DACH2: variants seen among roughly 807,000 people sequenced by gnomAD.
DACH2 encodes the protein dachshund homolog 2.
Under a neutral mutation model 35.8 loss-of-function variants are expected in DACH2, and 17 were observed. The ratio of observed to expected loss-of-function variants is 0.48; its 90% CI spans 0.33 to 0.71. The LOEUF (loss-of-function observed/expected upper bound fraction) is 0.71, where lower values mean the gene tolerates loss of function less well. Among genes scored for constraint, DACH2 ranks in the 30% least tolerant of loss-of-function variants. The pLI is 0.02. For synonymous variants in DACH2, 195 were observed against 177.3 expected, an observed-to-expected ratio of 1.10 and a Z score of -0.79; for missense variants, 469 against 472.7, an observed-to-expected ratio of 0.99 and a Z score of 0.07.
At chrX:86,443,513 T>G (rs1410521908) in intron 2 of DACH2, among the ~76,000 whole-genome samples, 1 of 110,495 alleles carries the variant, frequency 9.1e-6, no homozygotes, top group Admixed American at 9.7e-5. Flanking sequence ...AATTTTTTTT[T>G]TTTTTTCTGG....
chrX:86,684,101 C>A (rs983300245), intron 4 of DACH2, among the ~76,000 whole-genome samples: 1 of 111,639 alleles, frequency 9.0e-6, no homozygotes, highest in Non-Finnish European at 1.9e-5. Flanking sequence ...AGCATACAGA[C>A]AAGCTGAAAT....
rs376565447 is a variant in DACH2 at position 86,542,470 on chromosome X, G to A, written c.640+28079G>A. On this transcript the variant is annotated intron_variant, in intron 3 of 11. Coordinates refer to ENST00000373125, the MANE Select transcript of DACH2 (RefSeq NM_053281.3). ...GGGCAACCTTTGGGGTGCCCTTTTC[G>A]CATGAGTCTGTTACACCTTTGATCT... 4.0e-4 allele frequency among the ~76,000 whole-genome samples: 44 copies of A among 111,353 alleles called. 2 individuals are homozygous for A. The highest frequency in any genetic ancestry group is 2.5e-3 in the Admixed American group (26 of 10,453).
At chrX:86,475,346 A>G (rs962776563) in intron 2 of DACH2, among the ~76,000 whole-genome samples, 1 of 111,413 alleles carries the variant, frequency 9.0e-6, no homozygotes, top group African/African-American at 3.3e-5. Flanking sequence ...TTTTTTGTGT[A>G]TGTGTCCTCT....
chrX:86,293,614 G>A (rs370382011), intron 1 of DACH2, among the ~76,000 whole-genome samples: 2 of 110,089 alleles, frequency 1.8e-5, no homozygotes, highest in South Asian at 4.0e-4. Flanking sequence ...TTTAGGGCAG[G>A]CCTGGTGGTG....
chrX:86,187,625 C>T (rs972881699), intron 1 of DACH2, among the ~76,000 whole-genome samples: 1 of 110,608 alleles, frequency 9.0e-6, no homozygotes, highest in African/African-American at 3.3e-5. Context: ...AGGGTTTCGC[C>T]GTGTTGGCCA....
intron 2 of DACH2, among the ~76,000 whole-genome samples, chrX:86,450,849 G>T (rs1425053121): frequency 1.8e-5 from 2 of 109,693 alleles, no homozygotes; most frequent in African/African-American, 3.3e-5. Context: ...AAATATGTTT[G>T]TTGGCCATAT....
intron 2 of DACH2, among the ~76,000 whole-genome samples, chrX:86,398,648 C>T (rs1298987177): frequency 3.6e-5 from 4 of 111,774 alleles, no homozygotes; most frequent in Non-Finnish European, 7.5e-5. Context: ...TCGTTATGTA[C>T]CCAGTGGTTA....
In DACH2 at chrX:86,761,186, C is replaced by T. The variant is rs1309723595; in HGVS notation, c.1240+21304C>T. Among the ~76,000 whole-genome samples, 11 of 110,686 alleles carry T rather than the reference C, an allele frequency of 9.9e-5. No homozygotes were observed. The Admixed American group carries it at 1.1e-3, about 11-fold the overall frequency. ...CATTAGGTATTTGTCCTAATGCTCT[C>T]CCTCCCCTTTCCCCCCATCCCTGAC... On this transcript the variant is annotated intron_variant, in intron 7 of 11. Coordinates refer to ENST00000373125, the MANE Select transcript of DACH2 (RefSeq NM_053281.3).
chrX:86,748,676 G>A (rs755138671), intron 7 of DACH2, among the ~76,000 whole-genome samples: 1 of 111,576 alleles, frequency 9.0e-6, no homozygotes, highest in East Asian at 2.8e-4. Context: ...GAATTACAGG[G>A]TTTTTATTTT....
intron 2 of DACH2, among the ~76,000 whole-genome samples, chrX:86,412,770 C>G (rs761158841): frequency 1.8e-5 from 2 of 111,427 alleles, no homozygotes; most frequent in Non-Finnish European, 3.8e-5. Flanking sequence ...GCCTATCTGC[C>G]ATTGACACCT....
intron 2 of DACH2, among the ~76,000 whole-genome samples, chrX:86,381,224 C>T (rs755777780): frequency 3.3e-4 from 36 of 110,539 alleles, no homozygotes; most frequent in Admixed American, 2.2e-3. Context: ...GTCCCATTTC[C>T]TCACATTATT....
intron 2 of DACH2, among the ~76,000 whole-genome samples, chrX:86,487,954 C>T (rs1238103251): frequency 9.0e-6 from 1 of 111,227 alleles, no homozygotes; most frequent in Non-Finnish European, 1.9e-5. Flanking sequence ...GTTATCTAAT[C>T]TCTGTGAGCC....
intron 1 of DACH2, among the ~76,000 whole-genome samples, chrX:86,214,931 C>A (rs2032534631): frequency 9.0e-6 from 1 of 111,006 alleles, no homozygotes; most frequent in African/African-American, 3.3e-5. Flanking sequence ...TATTAGCATT[C>A]TAAAAAAACA....
chrX:86,336,981 T>C (rs768724157), intron 1 of DACH2, among the ~76,000 whole-genome samples: 1 of 107,580 alleles, frequency 9.3e-6, no homozygotes, highest in Non-Finnish European at 1.9e-5. Context: ...ATATCAGAGA[T>C]TGAAGATCAA....
chrX:86,268,354 A>G (rs1307146225), intron 1 of DACH2, among the ~76,000 whole-genome samples: 4 of 111,307 alleles, frequency 3.6e-5, no homozygotes, highest in Non-Finnish European at 5.7e-5. Flanking sequence ...TTTAAGCCTC[A>G]CAACAAATTT....
chrX:86,277,402 G>A (rs1474047230), intron 1 of DACH2, among the ~76,000 whole-genome samples: 3 of 111,539 alleles, frequency 2.7e-5, no homozygotes, highest in African/African-American at 6.5e-5. Flanking sequence ...TTTGATATTG[G>A]AATACATTCT....
At chrX:86,302,008 C>T (rs943807589) in intron 1 of DACH2, among the ~76,000 whole-genome samples, 2 of 111,150 alleles carry the variant, frequency 1.8e-5, no homozygotes, top group South Asian at 7.5e-4. Flanking sequence ...TAGTTAATGT[C>T]CTTTTTATCT....
At chrX:86,658,889 T>C (rs2040574038) in intron 4 of DACH2, among the ~76,000 whole-genome samples, 1 of 111,600 alleles carries the variant, frequency 9.0e-6, no homozygotes, top group Non-Finnish European at 1.9e-5. Context: ...CCCACGATTA[T>C]AACCACGTAA....
intron 1 of DACH2, among the ~76,000 whole-genome samples, chrX:86,276,655 A>G (rs1294740281): frequency 3.6e-5 from 4 of 111,667 alleles, no homozygotes; most frequent in Non-Finnish European, 5.6e-5. Flanking sequence ...TAGTATTTTC[A>G]TATTTTGAGG....
Sources: gnomAD v4.1 joint callset for allele counts (sites outside exome capture counted in the v4.1 genomes callset) on GRCh38, gnomAD v4.1.1 for gene constraint, MANE v1.5 for transcripts, NCBI Gene and HGNC (gene_info 2026-07-23, HGNC 2026-07-21) for gene names.